Variants in KIAA1671 observed in about 807,000 individuals in gnomAD.
KIAA1671 encodes the protein uncharacterized protein KIAA1671.
A neutral mutation model predicts 131.2 loss-of-function variants in KIAA1671; 52 were observed. The observed-to-expected ratio is 0.40, with a 90% confidence interval of 0.32 to 0.50. The LOEUF (loss-of-function observed/expected upper bound fraction) is 0.50. Among genes scored for constraint, KIAA1671 ranks in the 20% least tolerant of loss-of-function variants. KIAA1671 has a pLI of 0.73. For synonymous variants in KIAA1671, 1,003 were observed against 961.6 expected, an observed-to-expected ratio of 1.04 and a Z score of -0.80; for missense variants, 2,360 against 2,364.2, an observed-to-expected ratio of 1.00 and a Z score of 0.04.
At chr22:25,031,193 ATTTTTTTTT>A (rs58221822) in intron 3 of KIAA1671, among the ~76,000 whole-genome samples, 1 of 113,346 alleles carries the variant, frequency 8.8e-6, no homozygotes, top group African/African-American at 3.8e-5. Context: ...CACCCAGCTA[ATTTTTTTTT>A]TTTTTTTTTT....
chr22:25,077,134 C>G (rs1004406111), intron 6 of KIAA1671, among the ~76,000 whole-genome samples: 1 of 152,140 alleles, frequency 6.6e-6, no homozygotes, highest in Non-Finnish European at 1.5e-5. Context: ...AGCTTTGCAA[C>G]GAGGAGGATG....
intron 1 of KIAA1671, among the ~76,000 whole-genome samples, chr22:24,987,184 T>TTTC (rs1923597303): frequency 6.6e-6 from 1 of 151,272 alleles, no homozygotes; most frequent in African/African-American, 2.4e-5. Flanking sequence ...TTTTTTTTTT[T>TTTC]TTCTGAGACA....
intron 6 of KIAA1671, among the ~76,000 whole-genome samples, chr22:25,096,390 CTCG>C (rs1930390115): frequency 6.6e-6 from 1 of 152,170 alleles, no homozygotes; most frequent in Non-Finnish European, 1.5e-5. Context: ...CCTGGTCTCA[CTCG>C]TCCTCAGCTA....
intron 6 of KIAA1671, among the ~76,000 whole-genome samples, chr22:25,092,805 G>A (rs1219020290): frequency 6.6e-6 from 1 of 152,138 alleles, no homozygotes; most frequent in Non-Finnish European, 1.5e-5. Flanking sequence ...GAGTGTGGAG[G>A]GAGCAGCTTT....
At chr22:25,120,661 C>T (rs1931889035) in intron 6 of KIAA1671, among the ~76,000 whole-genome samples, 1 of 152,242 alleles carries the variant, frequency 6.6e-6, no homozygotes, top group African/African-American at 2.4e-5. Flanking sequence ...ATTCTCCTAA[C>T]ATCACATTGA....
intron 1 of KIAA1671, among the ~76,000 whole-genome samples, chr22:24,985,921 C>A (rs963791093): frequency 6.6e-6 from 1 of 152,018 alleles, no homozygotes; most frequent in Non-Finnish European, 1.5e-5. Context: ...TGGGGTAACC[C>A]TTCGGGAGGA....
chr22:25,179,546 GCCT>G, intron 9 of KIAA1671: 1 of 1,586,884 alleles, frequency 6.3e-7, no homozygotes, highest in South Asian at 1.1e-5. Context: ...CAGCACCTGC[GCCT>G]CCTGCGTTGG....
chr22:25,112,575 A>G (rs997450030), intron 6 of KIAA1671: 1 of 395,368 alleles, frequency 2.5e-6, no homozygotes, highest in Non-Finnish European at 4.5e-6. Context: ...TTCTTCCAGA[A>G]TAGTTGTCAG....
intron 8 of KIAA1671, chr22:25,175,084 C>G (rs1933976578): frequency 6.6e-6 from 1 of 152,464 alleles, no homozygotes; most frequent in South Asian, 2.1e-4. Flanking sequence ...AGGATGTCAG[C>G]TGCCCCAGCA....
intron 1 of KIAA1671, among the ~76,000 whole-genome samples, chr22:24,970,174 C>T (rs1202821985): frequency 6.6e-6 from 1 of 152,200 alleles, no homozygotes; most frequent in African/African-American, 2.4e-5. Context: ...AAAATGAGCT[C>T]ACCAAGAACC....
At chr22:25,179,129 C>G (rs1210549705) in intron 9 of KIAA1671, among the ~76,000 whole-genome samples, 2 of 152,098 alleles carry the variant, frequency 1.3e-5, no homozygotes, top group Admixed American at 6.5e-5. Context: ...GCAGGGGAAG[C>G]CGTGGTCAGC....
At chr22:25,067,412 C>T (rs1001256249) in intron 6 of KIAA1671, among the ~76,000 whole-genome samples, 3 of 152,114 alleles carry the variant, frequency 2.0e-5, no homozygotes, top group Non-Finnish European at 4.4e-5. Flanking sequence ...CTTTCTCTGA[C>T]TTCCTTTGGG....
At chr22:25,090,231 A>G (rs569165694) in intron 6 of KIAA1671, among the ~76,000 whole-genome samples, 3 of 152,336 alleles carry the variant, frequency 2.0e-5, no homozygotes, top group Non-Finnish European at 2.9e-5. Context: ...CTCTACTGCT[A>G]TGCCGGTCGA....
intron 5 of KIAA1671, among the ~76,000 whole-genome samples, chr22:25,044,514 G>A (rs919966409): frequency 6.6e-6 from 1 of 152,260 alleles, no homozygotes; most frequent in South Asian, 2.1e-4. Context: ...CCTGGAGCAC[G>A]CAGGCCCCAG....
At chr22:25,111,680 C>T (rs572221922) in intron 6 of KIAA1671, among the ~76,000 whole-genome samples, 1 of 152,290 alleles carries the variant, frequency 6.6e-6, no homozygotes, top group African/African-American at 2.4e-5. Flanking sequence ...AGCTTGCCCA[C>T]CGGAACCTCC....
rs185921911 is a variant in KIAA1671, at chr22:25,129,171, G to A, written c.4531-41649G>A. On this transcript the variant is annotated intron_variant, in intron 6 of 12. Transcript: ENST00000358431. The stretch of plus-strand genomic sequence containing the variant: ...ATGGTGGCGGCATGGTGGGCGGGGC[G>A]GTGGGGGGGCTCCCTATTTTGCAGA... 2.4e-4 allele frequency among the ~76,000 whole-genome samples: 36 copies of A among 152,164 alleles called. 1 individual carries two copies. The Middle Eastern group carries it at 0.014, about 58-fold the overall frequency.
At chr22:24,965,212 C>T (rs551194100) in intron 1 of KIAA1671, among the ~76,000 whole-genome samples, 1 of 151,830 alleles carries the variant, frequency 6.6e-6, no homozygotes, top group South Asian at 2.1e-4. Flanking sequence ...GTCAGGAATT[C>T]GAGACCAGCC....
intron 6 of KIAA1671, among the ~76,000 whole-genome samples, chr22:25,093,747 TCTCTC>T (rs1568951026): frequency 1.6e-5 from 2 of 125,658 alleles, no homozygotes; most frequent in Non-Finnish European, 3.3e-5. Flanking sequence ...ACTCTCTCTC[TCTCTC>T]TCTCTCTCTC....
chr22:24,969,196 C>T (rs113356087), intron 1 of KIAA1671, among the ~76,000 whole-genome samples: 1,901 of 152,270 alleles, frequency 0.012, 32 homozygotes, highest in African/African-American at 0.043. Flanking sequence ...CCACCGTGCC[C>T]GGCCTCGTTT....
Sources: allele counts gnomAD v4.1 joint callset (sites outside exome capture counted in the v4.1 genomes callset), GRCh38; gene constraint gnomAD v4.1.1; transcripts MANE v1.5; gene names NCBI Gene and HGNC (gene_info 2026-07-23, HGNC 2026-07-21).